Variants in CRISPLD2 observed in about 807,000 individuals in gnomAD.
CRISPLD2 encodes cysteine-rich secretory protein LCCL domain-containing 2.
In CRISPLD2, 47 loss-of-function variants were observed where a neutral mutation model predicts 71.1. The ratio of observed to expected loss-of-function variants is 0.66; its 90% CI spans 0.52 to 0.84. CRISPLD2 has a LOEUF of 0.84. Among genes scored for constraint, CRISPLD2 ranks in the 40% least tolerant of loss-of-function variants. The probability of loss-of-function intolerance (pLI) is 0.00; values close to 1 mark genes in which losing one functional copy is unlikely to be tolerated. For missense variants in CRISPLD2, 830 were observed against 651.1 expected, an observed-to-expected ratio of 1.27 and a Z score of -2.99; for synonymous variants, 317 against 250.1, an observed-to-expected ratio of 1.27 and a Z score of -2.52.
At chr16:84,858,741 C>T (rs1176844152) in intron 6 of CRISPLD2, among the ~76,000 whole-genome samples, 2 of 152,216 alleles carry the variant, frequency 1.3e-5, no homozygotes, top group Non-Finnish European at 2.9e-5. Flanking sequence ...AGATACATTG[C>T]TGGCCTTTCA....
chr16:84,869,471 G>C (rs2071446852), intron 8 of CRISPLD2, among the ~76,000 whole-genome samples: 2 of 152,232 alleles, frequency 1.3e-5, no homozygotes. Flanking sequence ...TGAATCTTCG[G>C]TTTTATATCG....
At chr16:84,827,502 CTG>C (rs1200951685) in intron 1 of CRISPLD2, among the ~76,000 whole-genome samples, 2 of 152,008 alleles carry the variant, frequency 1.3e-5, no homozygotes, top group Non-Finnish European at 2.9e-5. Context: ...CACGCCTCGA[CTG>C]TGACCCCTTC....
intron 2 of CRISPLD2, 183 bp downstream of exon 2, chr16:84,838,918 T>TCAAAA: frequency 1.2e-6 from 1 of 829,888 alleles, no homozygotes; most frequent in Non-Finnish European, 2.0e-6. Context: ...AGACAGGGTC[T>TCAAAA]CACTCTGCCA....
At chr16:84,861,508 C>A (rs934494857) in intron 6 of CRISPLD2, among the ~76,000 whole-genome samples, 5 of 152,180 alleles carry the variant, frequency 3.3e-5, no homozygotes, top group Non-Finnish European at 7.4e-5. Flanking sequence ...GGTTGAGAGG[C>A]TAAGGCAGTC....
chr16:84,847,883 G>A (rs747361135), intron 3 of CRISPLD2, among the ~76,000 whole-genome samples: 10 of 152,174 alleles, frequency 6.6e-5, no homozygotes, highest in Admixed American at 1.3e-4. Flanking sequence ...CAGTTGTCAT[G>A]AATGTCGCCC....
chr16:84,873,813 A>G (rs7194741), intron 10 of CRISPLD2, 107 bp from the exon 11 acceptor site: 2 of 1,019,002 alleles, frequency 2.0e-6, no homozygotes, highest in Non-Finnish European at 2.9e-6. Context: ...AAAAGTGTGA[A>G]GTCGAGACTG....
chr16:84,896,101 C>T (rs982681513), intron 14 of CRISPLD2, among the ~76,000 whole-genome samples: 15 of 149,072 alleles, frequency 1.0e-4, no homozygotes, highest in South Asian at 2.1e-4. Flanking sequence ...TGCAGTGGCG[C>T]GATCTCCACT....
At chr16:84,903,206 A>T (rs1597489112) in intron 14 of CRISPLD2, among the ~76,000 whole-genome samples, 1 of 151,378 alleles carries the variant, frequency 6.6e-6, no homozygotes. Context: ...CCCTCCTCCC[A>T]CCTTCCGGGT....
intron 6 of CRISPLD2, among the ~76,000 whole-genome samples, chr16:84,863,337 C>T (rs187747864): frequency 6.6e-6 from 1 of 152,174 alleles, no homozygotes; most frequent in Non-Finnish European, 1.5e-5. Context: ...GGCAGACACC[C>T]AATTTCTCTA....
intron 12 of CRISPLD2, among the ~76,000 whole-genome samples, chr16:84,879,893 T>C (rs564771878): frequency 6.6e-6 from 1 of 152,362 alleles, no homozygotes; most frequent in East Asian, 1.9e-4. Context: ...AGATCTTTTC[T>C]TAAGTAAAGC....
At position 84,830,288 on chromosome 16, in the gene CRISPLD2, C is replaced by A. The variant is rs186180764; in HGVS notation, c.-74-8134C>A. On this transcript the variant is annotated intron_variant, in intron 1 of 14. Coordinates refer to ENST00000262424, the MANE Select transcript of CRISPLD2 (RefSeq NM_031476.4). ...AGTGAGACATGATTGCACCACTGCACTCTAGCCTGGGTAATAGTGAGACCC... is the reference window on the plus strand; with the variant it reads ...AGTGAGACATGATTGCACCACTGCAATCTAGCCTGGGTAATAGTGAGACCC... 1.6e-4 allele frequency among the ~76,000 whole-genome samples: 24 copies of A among 152,272 alleles called. 1 individual carries two copies. Among genetic ancestry groups the A allele is most frequent in the Admixed American group, 1.3e-3 (20 of 15,284 alleles).
At chr16:84,836,171 G>A (rs1339481978) in intron 1 of CRISPLD2, 2 of 152,202 alleles carry the variant, frequency 1.3e-5, no homozygotes, top group Admixed American at 1.3e-4. Context: ...CAAATTTTGT[G>A]TTTAGATTGG....
intron 1 of CRISPLD2, among the ~76,000 whole-genome samples, chr16:84,833,575 G>A (rs1452924033): frequency 1.3e-5 from 2 of 152,136 alleles, no homozygotes; most frequent in African/African-American, 2.4e-5. Context: ...CCTGGGTACC[G>A]AAGTGCACTC....
intron 6 of CRISPLD2, among the ~76,000 whole-genome samples, chr16:84,866,427 G>T (rs976723020): frequency 2.0e-5 from 3 of 152,068 alleles, no homozygotes; most frequent in African/African-American, 4.8e-5. Context: ...GTAGAGACGG[G>T]GTTTCGCCAT....
chr16:84,905,376 GTTAAAC>G (rs1208555158), intron 14 of CRISPLD2, among the ~76,000 whole-genome samples: 2 of 152,088 alleles, frequency 1.3e-5, no homozygotes, highest in African/African-American at 4.8e-5. Context: ...TATACGGTAT[GTTAAAC>G]TTAATAAAGT....
rs1477590467 is a variant in CRISPLD2 at position 84,908,676 on chromosome 16, CTGTCTTTTTT to C, written c.*2036_*2045del. The C allele has an allele frequency of 1.6e-5, 2 of 125,254 alleles. No individual in the cohort carries two copies. The highest frequency in any genetic ancestry group is 3.2e-5 in the Non-Finnish European group (2 of 62,878). The allele number at this position is 125,254 out of a possible 1,614,324, so 7.8% of individuals were successfully genotyped here. On this transcript the variant is annotated 3_prime_UTR_variant, in exon 15 of 15. Transcript: ENST00000262424. ...AGTCCTTGCCCAGAGCAGGACCTGG[CTGTCTTTTTT>C]TTTTTTTTTTTTTTTTTCCCGAGAC...
chr16:84,868,451 A>G (rs1290979831), intron 7 of CRISPLD2, among the ~76,000 whole-genome samples: 2 of 152,094 alleles, frequency 1.3e-5, no homozygotes, highest in East Asian at 3.9e-4. Context: ...TCGGAGCAGC[A>G]TCCTCCCTAC....
chr16:84,874,763 A>AT (rs796474686), intron 11 of CRISPLD2, among the ~76,000 whole-genome samples: 11 of 152,300 alleles, frequency 7.2e-5, no homozygotes, highest in African/African-American at 2.4e-4. Flanking sequence ...GGAGTGGAAC[A>AT]TTTTTTTGTA....
intron 14 of CRISPLD2, among the ~76,000 whole-genome samples, chr16:84,892,144 C>T (rs1347248922): frequency 6.6e-6 from 1 of 152,162 alleles, no homozygotes; most frequent in Non-Finnish European, 1.5e-5. Flanking sequence ...GGGGTGGTGG[C>T]AGGGCAGGAG....
Sources: gnomAD v4.1 joint callset for allele counts (sites outside exome capture counted in the v4.1 genomes callset) on GRCh38, gnomAD v4.1.1 for gene constraint, MANE v1.5 for transcripts, NCBI Gene and HGNC (gene_info 2026-07-23, HGNC 2026-07-21) for gene names.